The following CRTAC1 variants were observed in gnomAD, a reference collection of about 807,000 sequenced individuals.
CRTAC1 encodes acidic secreted protein in cartilage.
Under a neutral mutation model 67.8 loss-of-function variants are expected in CRTAC1, and 37 were observed. That is an observed-to-expected ratio of 0.55 (90% CI 0.42 to 0.72). The LOEUF is 0.72. Among genes scored for constraint, CRTAC1 ranks in the 30% least tolerant of loss-of-function variants. The pLI is 0.00. For missense variants in CRTAC1, 780 were observed against 931.6 expected, an observed-to-expected ratio of 0.84 and a Z score of 2.12; for synonymous variants, 348 against 371.0, an observed-to-expected ratio of 0.94 and a Z score of 0.71.
intron 1 of CRTAC1, among the ~76,000 whole-genome samples, chr10:98,027,182 A>G (rs1843253074): frequency 6.7e-6 from 1 of 150,180 alleles, no homozygotes; most frequent in African/African-American, 2.5e-5. Flanking sequence ...AAAAAAAAAG[A>G]GAACAAAGGG....
chr10:97,889,396 G>C (rs184234223), intron 11 of CRTAC1, among the ~76,000 whole-genome samples: 1 of 151,334 alleles, frequency 6.6e-6, no homozygotes, highest in African/African-American at 2.4e-5. Flanking sequence ...CTGGAGGTCC[G>C]TCTGCACCGA....
At chr10:97,900,150 A>G (rs991507837) in intron 8 of CRTAC1, among the ~76,000 whole-genome samples, 1 of 152,206 alleles carries the variant, frequency 6.6e-6, no homozygotes, top group Non-Finnish European at 1.5e-5. Context: ...CCCTTGGAGA[A>G]ATATTGCCGC....
At chr10:97,962,892 A>G (rs1345194062) in intron 2 of CRTAC1, among the ~76,000 whole-genome samples, 1 of 151,940 alleles carries the variant, frequency 6.6e-6, no homozygotes, top group Non-Finnish European at 1.5e-5. Context: ...AACCAAAACA[A>G]AAACAAAAAA....
intron 4 of CRTAC1, among the ~76,000 whole-genome samples, chr10:97,922,430 G>A (rs2050854316): frequency 1.3e-5 from 2 of 152,222 alleles, no homozygotes; most frequent in Admixed American, 6.5e-5. Flanking sequence ...CCTGCCCCCA[G>A]AATGGGGGCC....
chr10:97,952,390 T>C (rs2051370806), intron 2 of CRTAC1, among the ~76,000 whole-genome samples: 1 of 149,664 alleles, frequency 6.7e-6, no homozygotes. Flanking sequence ...ATAAAAAAAT[T>C]AGTGAGGCGA....
intron 2 of CRTAC1, among the ~76,000 whole-genome samples, chr10:97,991,880 T>C (rs1842466294): frequency 2.0e-5 from 3 of 152,244 alleles, no homozygotes; most frequent in Admixed American, 2.0e-4. Flanking sequence ...CTTTGAGATA[T>C]CTGTTATTTT....
chr10:98,021,581 T>A (rs556341912), intron 1 of CRTAC1, among the ~76,000 whole-genome samples: 36 of 152,280 alleles, frequency 2.4e-4, no homozygotes, highest in Admixed American at 8.5e-4. Context: ...CGGGTTGCCA[T>A]GAGAATGAAA....
rs147217366 is a variant in CRTAC1 at position 97,972,545 on chromosome 10, A to G, written c.225-36179T>C. The stretch of plus-strand genomic sequence containing the variant: ...TACTCGAAATGGATGCCAAGGCAAC[A>G]TAAAGTCATCAGAATCTACTACATT... On this transcript the variant is annotated intron_variant, in intron 2 of 14. Coordinates refer to ENST00000370597, the MANE Select transcript of CRTAC1 (RefSeq NM_018058.7). 1.2e-3 allele frequency among the ~76,000 whole-genome samples: 182 copies of G among 152,358 alleles called. 1 individual carries two copies. Among genetic ancestry groups the G allele is most frequent in the Middle Eastern group, 3.4e-3 (1 of 294 alleles).
At chr10:97,917,772 C>T in intron 4 of CRTAC1, 116 bp from the exon 5 acceptor site, 2 of 772,054 alleles carry the variant, frequency 2.6e-6, no homozygotes, top group Admixed American at 3.6e-5. Flanking sequence ...TTCTTCTCCC[C>T]AGGTCTGTTG....
At chr10:98,000,416 C>G (rs1590279185) in intron 2 of CRTAC1, among the ~76,000 whole-genome samples, 2 of 152,204 alleles carry the variant, frequency 1.3e-5, no homozygotes, top group Non-Finnish European at 2.9e-5. Context: ...CCAGCCACAG[C>G]CTTGCAGAGA....
At chr10:98,010,943 G>A (rs1301729861) in intron 2 of CRTAC1, among the ~76,000 whole-genome samples, 195 bp downstream of exon 2, 2 of 152,204 alleles carry the variant, frequency 1.3e-5, no homozygotes, top group Non-Finnish European at 2.9e-5. Flanking sequence ...ACCCACTGCA[G>A]TAGCAAAAGA....
Position 97,896,955 on chromosome 10 carries a change from C to T in CRTAC1, c.1170G>A (p.Glu390=), listed in dbSNP as rs1486529109. Residue 390 remains glutamate, a synonymous_variant, in exon 9 of 15, where the codon GAG becomes GAA. Transcript: ENST00000370597. ...IRREHGDPLI[E]ELNPGDALEP... ...CCAAGGCGTCGCCGGGATTGAGCTC[C>T]TCGATGAGGGGGTCTCCGTGCTCTC... The T allele has an allele frequency of 1.3e-6, 2 of 1,560,954 alleles. No individual in the cohort carries two copies. Among genetic ancestry groups the T allele is most frequent in the Non-Finnish European group, 1.7e-6 (2 of 1,151,778 alleles).
intron 3 of CRTAC1, among the ~76,000 whole-genome samples, chr10:97,928,888 C>T (rs539457632): frequency 2.0e-5 from 3 of 151,968 alleles, no homozygotes; most frequent in Non-Finnish European, 4.4e-5. Context: ...GGCAAAGGGG[C>T]CATTGGTGGC....
At chr10:97,891,402 C>A (rs928470140) in intron 11 of CRTAC1, among the ~76,000 whole-genome samples, 17 of 152,258 alleles carry the variant, frequency 1.1e-4, no homozygotes, top group African/African-American at 3.9e-4. Flanking sequence ...CCCTCGTCCA[C>A]CCCTTCTAAG....
intron 2 of CRTAC1, among the ~76,000 whole-genome samples, chr10:97,992,967 A>G (rs1054046487): frequency 6.6e-6 from 1 of 152,254 alleles, no homozygotes; most frequent in African/African-American, 2.4e-5. Flanking sequence ...GAGGTAATGC[A>G]TATCTTAATT....
At chr10:98,008,861 T>C (rs1842851429) in intron 2 of CRTAC1, among the ~76,000 whole-genome samples, 1 of 152,122 alleles carries the variant, frequency 6.6e-6, no homozygotes, top group Non-Finnish European at 1.5e-5. Flanking sequence ...CCAGGGTCTA[T>C]CAGGGGAGGC....
intron 2 of CRTAC1, among the ~76,000 whole-genome samples, chr10:97,955,067 C>T (rs1173235757): frequency 6.6e-6 from 1 of 152,174 alleles, no homozygotes; most frequent in Non-Finnish European, 1.5e-5. Flanking sequence ...ATAATAATAG[C>T]AGCTAGGGAG....
intron 11 of CRTAC1, among the ~76,000 whole-genome samples, chr10:97,891,914 G>GC (rs896661983): frequency 2.6e-5 from 4 of 152,214 alleles, no homozygotes; most frequent in African/African-American, 9.6e-5. Flanking sequence ...CAAGGGCCCT[G>GC]CCCCTAGAGC....
intron 2 of CRTAC1, among the ~76,000 whole-genome samples, chr10:97,992,274 T>A (rs115182690): frequency 0.012 from 1,895 of 152,308 alleles, 47 homozygotes; most frequent in African/African-American, 0.044. Flanking sequence ...GCTATCTCCC[T>A]CCTACTCCTT....
Sources: gnomAD v4.1 joint callset for allele counts (sites outside exome capture counted in the v4.1 genomes callset) on GRCh38, gnomAD v4.1.1 for gene constraint, MANE v1.5 for transcripts, NCBI Gene and HGNC (gene_info 2026-07-23, HGNC 2026-07-21) for gene names.